The following GOLPH3L variants were observed in gnomAD, a reference collection of about 807,000 sequenced individuals.
GOLPH3L encodes the protein golgi phosphoprotein 3 like, also known as Golgi phosphoprotein 3-like.
Under a neutral mutation model 30.3 loss-of-function variants are expected in GOLPH3L, and 22 were observed. The ratio of observed to expected loss-of-function variants is 0.73; its 90% CI spans 0.52 to 1.04. The LOEUF is 1.04. GOLPH3L is among the 50% of genes least tolerant of loss of function. GOLPH3L has a pLI of 0.00. For synonymous variants in GOLPH3L, 120 were observed against 128.2 expected (o/e 0.94, Z 0.43); for missense variants, 303 against 345.8 (o/e 0.88, Z 0.98).
Position 150,647,595 on chromosome 1 carries a change from G to A in GOLPH3L, c.*726C>T, listed in dbSNP as rs1314040380. On this transcript the variant is annotated 3_prime_UTR_variant, in exon 5 of 5. Transcript: ENST00000271732. Reference sequence around the variant, plus strand: ...CCCTTCCTTCCTTACAAATTCTAATGCTGATTGCATGAACGAGGTGTTGAG... The same window carrying A: ...CCCTTCCTTCCTTACAAATTCTAATACTGATTGCATGAACGAGGTGTTGAG... 6.6e-6 allele frequency: 1 copy of A among 152,486 alleles called. No homozygotes were observed. Among genetic ancestry groups the A allele is most frequent in the Non-Finnish European group, 1.5e-5 (1 of 68,092 alleles). The allele number at this position is 152,486 out of a possible 1,614,324, so 9.4% of individuals were successfully genotyped here. A position where few individuals can be genotyped will look rare whatever the true frequency, so the allele number is the denominator to read the frequency against.
chr1:150,661,011 C>T (rs1322833544), intron 4 of GOLPH3L, among the ~76,000 whole-genome samples: 10 of 152,164 alleles, frequency 6.6e-5, no homozygotes, highest in African/African-American at 1.2e-4. Flanking sequence ...GGGCAGATCA[C>T]GAAGTCAAGA....
intron 2 of GOLPH3L, among the ~76,000 whole-genome samples, chr1:150,671,534 C>T (rs1650643496): frequency 6.6e-6 from 1 of 151,342 alleles, no homozygotes; most frequent in Non-Finnish European, 1.5e-5. Flanking sequence ...GGGCCGGGCG[C>T]GGTGGCTCAC....
At position 150,683,042 on chromosome 1, in the gene GOLPH3L, G is replaced by A. The variant is rs950208164; in HGVS notation, c.183+11614C>T. 4.6e-5 allele frequency among the ~76,000 whole-genome samples: 7 copies of A among 152,246 alleles called. 1 individual carries two copies. The South Asian group carries it at 1.5e-3, about 32-fold the overall frequency. On this transcript the variant is annotated intron_variant, in intron 2 of 4. Coordinates refer to ENST00000271732, the MANE Select transcript of GOLPH3L (RefSeq NM_018178.6). ...TCCTCTATCAAATCCCTATGCTTCT[G>A]TAGGAAGATAAGCGCATCTTACTTA...
chr1:150,663,596 T>A, intron 3 of GOLPH3L, 36 bp downstream of exon 3: 1 of 1,569,586 alleles, frequency 6.4e-7, no homozygotes, highest in South Asian at 1.2e-5. Context: ...TATTTGCCTT[T>A]CCATAAGCCA....
At chr1:150,655,722 G>A (rs974264701) in intron 4 of GOLPH3L, among the ~76,000 whole-genome samples, 1 of 152,136 alleles carries the variant, frequency 6.6e-6, no homozygotes, top group African/African-American at 2.4e-5. Flanking sequence ...AACGGACACA[G>A]CTCCAACATT....
At chr1:150,663,499 C>T (rs587645198) in intron 3 of GOLPH3L, 133 bp downstream of exon 3, 8 of 748,958 alleles carry the variant, frequency 1.1e-5, no homozygotes, top group South Asian at 4.4e-5. Context: ...GGTAATTAAC[C>T]TGTTTAGACA....
chr1:150,679,861 T>C (rs1650909214), intron 2 of GOLPH3L, among the ~76,000 whole-genome samples: 1 of 151,986 alleles, frequency 6.6e-6, no homozygotes, highest in Non-Finnish European at 1.5e-5. Context: ...TCTCCACACT[T>C]TGGGAGACTG....
At chr1:150,682,889 G>A (rs993505609) in intron 2 of GOLPH3L, among the ~76,000 whole-genome samples, 1 of 152,066 alleles carries the variant, frequency 6.6e-6, no homozygotes, top group Non-Finnish European at 1.5e-5. Context: ...AGGTCAAACA[G>A]AGAAAATAAA....
At position 150,648,434 on chromosome 1, in the gene GOLPH3L, C is replaced by T; in HGVS notation, c.745G>A (p.Val249Met). 2 of 1,613,712 alleles carry T rather than the reference C, an allele frequency of 1.2e-6. No individual in the cohort carries two copies. Among genetic ancestry groups the T allele is most frequent in the Non-Finnish European group, 1.7e-6 (2 of 1,179,616 alleles). ...AAGTCCTTGGCTCGATTCATTGCCA[C>T]ATCATACTTGTCATCTGTCAGAGAG... is the stretch of plus-strand genomic sequence containing the variant. ...FSSLTDDKYDVAMNRAKDLVE... is the reference protein window; with the variant it reads ...FSSLTDDKYDMAMNRAKDLVE... The change falls in exon 5 of 5, where the codon GTG becomes ATG. Residue 249 changes from valine to methionine, a missense_variant. Transcript: ENST00000271732.
intron 2 of GOLPH3L, among the ~76,000 whole-genome samples, chr1:150,672,114 T>C (rs1304408117): frequency 6.6e-6 from 1 of 152,178 alleles, no homozygotes; most frequent in East Asian, 1.9e-4. Context: ...AACATTAAAA[T>C]TGCTTCACCT....
intron 2 of GOLPH3L, among the ~76,000 whole-genome samples, chr1:150,684,809 G>A (rs1028529753): frequency 2.0e-5 from 3 of 151,826 alleles, no homozygotes; most frequent in Non-Finnish European, 4.4e-5. Context: ...CTGGGATTAC[G>A]GGCATGCACT....
intron 2 of GOLPH3L, among the ~76,000 whole-genome samples, chr1:150,673,421 G>A (rs1191133315): frequency 2.0e-5 from 3 of 151,912 alleles, no homozygotes; most frequent in Non-Finnish European, 4.4e-5. Context: ...AAATTAGCTG[G>A]GCAGGCGTGG....
At chr1:150,684,327 A>G (rs1433847157) in intron 2 of GOLPH3L, among the ~76,000 whole-genome samples, 2 of 152,148 alleles carry the variant, frequency 1.3e-5, no homozygotes, top group Admixed American at 6.6e-5. Context: ...TTGTCTAGTC[A>G]TTTAGTCTTA....
chr1:150,663,212 A>T (rs587702379), intron 3 of GOLPH3L, among the ~76,000 whole-genome samples: 11 of 151,362 alleles, frequency 7.3e-5, no homozygotes, highest in South Asian at 2.1e-4. Context: ...TTTTTTTTTT[A>T]AATATTTCTC....
chr1:150,658,386 T>C (rs1650295226), intron 4 of GOLPH3L, among the ~76,000 whole-genome samples: 1 of 152,252 alleles, frequency 6.6e-6, no homozygotes, highest in African/African-American at 2.4e-5. Flanking sequence ...ATTATACTCA[T>C]TGGGCATATT....
At chr1:150,677,766 C>T (rs995873419) in intron 2 of GOLPH3L, among the ~76,000 whole-genome samples, 5 of 151,694 alleles carry the variant, frequency 3.3e-5, no homozygotes, top group East Asian at 2.0e-4. Context: ...GATGGAACTA[C>T]GGGCACATGC....
chr1:150,667,053 TGCC>T (rs1650524556), intron 2 of GOLPH3L, among the ~76,000 whole-genome samples: 1 of 152,044 alleles, frequency 6.6e-6, no homozygotes. Context: ...ATTGTGGGAG[TGCC>T]ACACAACTGG....
chr1:150,654,359 T>A (rs1440405517), intron 4 of GOLPH3L, among the ~76,000 whole-genome samples: 1 of 150,748 alleles, frequency 6.6e-6, no homozygotes, highest in Non-Finnish European at 1.5e-5. Flanking sequence ...ATACAAAAAT[T>A]AGCTAGTGTG....
At chr1:150,658,839 A>G (rs1405175871) in intron 4 of GOLPH3L, among the ~76,000 whole-genome samples, 6 of 152,242 alleles carry the variant, frequency 3.9e-5, no homozygotes, top group Non-Finnish European at 8.8e-5. Context: ...GGAGCTAAAC[A>G]TAAGGATTTG....
Sources: allele counts gnomAD v4.1 joint callset (sites outside exome capture counted in the v4.1 genomes callset), GRCh38; gene constraint gnomAD v4.1.1; transcripts MANE v1.5; gene names NCBI Gene and HGNC (gene_info 2026-07-23, HGNC 2026-07-21).